The following CFAP53 variants were observed in gnomAD, a reference collection of about 807,000 sequenced individuals.
CFAP53 encodes the protein cilia- and flagella-associated protein 53.
A neutral mutation model predicts 59.7 loss-of-function variants in CFAP53; 62 were observed. That is an observed-to-expected ratio of 1.04 (90% CI 0.85 to 1.28). The LOEUF (loss-of-function observed/expected upper bound fraction) is 1.28. CFAP53 is among the 50% of genes most tolerant of loss of function. CFAP53 has a pLI of 0.00. For synonymous variants in CFAP53, 218 were observed against 205.7 expected (o/e 1.06, Z -0.51); for missense variants, 629 against 615.6 (o/e 1.02, Z -0.23).
chr18:50,262,508 T>C (rs553419941), intron 1 of CFAP53, among the ~76,000 whole-genome samples: 1 of 152,194 alleles, frequency 6.6e-6, no homozygotes, highest in African/African-American at 2.4e-5. Flanking sequence ...TCTGTTGAGA[T>C]TGTCTAGTCA....
intron 7 of CFAP53, among the ~76,000 whole-genome samples, chr18:50,234,848 G>A (rs943846802): frequency 1.3e-5 from 2 of 152,222 alleles, no homozygotes; most frequent in South Asian, 4.1e-4. Context: ...TTATAGAGAG[G>A]AATGGTCTAG....
rs776803749 is a variant in CFAP53 at position 50,261,014 on chromosome 18, T to C, written c.473+50A>G. On this transcript the variant is annotated intron_variant, in intron 3 of 7. Coordinates refer to ENST00000398545, the MANE Select transcript of CFAP53 (RefSeq NM_145020.5). ...TTTAAATTAGCATTCTTAAATCTAT[T>C]TTAATGTACCAACTTTGGATTCTGT... is the stretch of plus-strand genomic sequence containing the variant. 6.4e-6 allele frequency: 10 copies of C among 1,555,992 alleles called. 1 individual carries two copies. The South Asian group carries it at 8.4e-5, about 13-fold the overall frequency.
chr18:50,238,749 A>C, intron 6 of CFAP53, 44 bp from the exon 7 acceptor site: 1 of 1,433,028 alleles, frequency 7.0e-7, no homozygotes, highest in Non-Finnish European at 9.8e-7. Context: ...ACTTTCAGAC[A>C]AGAATTGCCA....
At chr18:50,228,515 G>A (rs1020377187) in intron 7 of CFAP53, among the ~76,000 whole-genome samples, 1 of 151,988 alleles carries the variant, frequency 6.6e-6, no homozygotes, top group Non-Finnish European at 1.5e-5. Flanking sequence ...ATTATGATGG[G>A]CATGGTGGCT....
intron 5 of CFAP53, among the ~76,000 whole-genome samples, chr18:50,246,889 T>C (rs2033750365): frequency 6.6e-6 from 1 of 151,718 alleles, no homozygotes; most frequent in Non-Finnish European, 1.5e-5. Flanking sequence ...CTACTAAAAA[T>C]ACAAAAAAAT....
intron 3 of CFAP53, among the ~76,000 whole-genome samples, chr18:50,255,882 A>G (rs1304021777): frequency 6.7e-6 from 1 of 149,078 alleles, no homozygotes; most frequent in Admixed American, 6.7e-5. Flanking sequence ...AAAAAAAAAG[A>G]GGAAAATTTT....
Position 50,260,536 on chromosome 18 carries a change from G to A in CFAP53, c.473+528C>T, listed in dbSNP as rs554110741. ...AAAAATTAGCTGGGCACAGTGGCGC[G>A]TGCCTATAGTCTCAGCTACTTGAGA... is the stretch of plus-strand genomic sequence containing the variant. On this transcript the variant is annotated intron_variant, in intron 3 of 7. Coordinates refer to ENST00000398545, the MANE Select transcript of CFAP53 (RefSeq NM_145020.5). Among the ~76,000 whole-genome samples the A allele has an allele frequency of 3.6e-4, 54 of 152,082 alleles. 1 individual carries two copies. The highest frequency in any genetic ancestry group is 2.0e-3 in the Admixed American group (30 of 15,262).
intron 7 of CFAP53, among the ~76,000 whole-genome samples, chr18:50,229,037 A>C (rs2033554315): frequency 1.3e-5 from 2 of 152,070 alleles, no homozygotes; most frequent in African/African-American, 4.8e-5. Context: ...TCAGTGAGCC[A>C]TGATCACACT....
intron 4 of CFAP53, 68 bp downstream of exon 4, chr18:50,251,412 TA>T (rs2033797851): frequency 3.6e-6 from 5 of 1,381,308 alleles, no homozygotes; most frequent in Non-Finnish European, 5.0e-6. Flanking sequence ...AACTGTACTG[TA>T]ACAGGCCTGC....
chr18:50,237,301 TCTC>T (rs1337428168), intron 7 of CFAP53, among the ~76,000 whole-genome samples: 1 of 16,216 alleles, frequency 6.2e-5, no homozygotes. Context: ...CAAGACTCCA[TCTC>T]AAAAAAAAAA....
intron 5 of CFAP53, among the ~76,000 whole-genome samples, chr18:50,249,512 T>A (rs1185387551): frequency 2.0e-5 from 3 of 148,216 alleles, no homozygotes; most frequent in African/African-American, 7.5e-5. Context: ...GGCAAGACTG[T>A]CTCAAAAAAA....
At chr18:50,261,907 TA>T in intron 2 of CFAP53, 82 bp downstream of exon 2, 1 of 1,047,658 alleles carries the variant, frequency 9.5e-7, no homozygotes, top group Non-Finnish European at 1.5e-6. Flanking sequence ...TGATCCTTGC[TA>T]AATTTGATTT....
At chr18:50,240,372 A>T (rs1218197539) in intron 6 of CFAP53, among the ~76,000 whole-genome samples, 1 of 152,152 alleles carries the variant, frequency 6.6e-6, no homozygotes, top group East Asian at 1.9e-4. Context: ...ACCCTGACTC[A>T]TTCCATAACC....
At chr18:50,229,126 C>A (rs557450964) in intron 7 of CFAP53, among the ~76,000 whole-genome samples, 33 of 152,194 alleles carry the variant, frequency 2.2e-4, no homozygotes, top group Non-Finnish European at 1.6e-4. Flanking sequence ...ACCCACATAA[C>A]AAATTTACAT....
intron 7 of CFAP53, 85 bp from the exon 8 acceptor site, chr18:50,227,694 G>A: frequency 3.7e-6 from 4 of 1,083,762 alleles, no homozygotes; most frequent in South Asian, 1.5e-5. Context: ...AATATAATTT[G>A]TAAAGTCAAA....
chr18:50,247,879 C>G lies in CFAP53; in HGVS notation c.996+2879G>C, dbSNP rs576387232. On this transcript the variant is annotated intron_variant, in intron 5 of 7. Coordinates refer to ENST00000398545, the MANE Select transcript of CFAP53 (RefSeq NM_145020.5). ...AAAATGTGATGACAGCTGCACATAT[C>G]TGTGAAAACAGTAAAATCCACTGAA... is the stretch of plus-strand genomic sequence containing the variant. 8.5e-5 allele frequency among the ~76,000 whole-genome samples: 13 copies of G among 152,258 alleles called. No homozygotes were observed. The East Asian group carries it at 2.5e-3, about 29-fold the overall frequency.
intron 3 of CFAP53, 93 bp from the exon 4 acceptor site, chr18:50,251,877 G>C: frequency 8.9e-7 from 1 of 1,121,012 alleles, no homozygotes; most frequent in Non-Finnish European, 1.3e-6. Flanking sequence ...AATGAAGCAA[G>C]AAAAATCAGA....
At chr18:50,245,648 G>A (rs1242420890) in intron 5 of CFAP53, among the ~76,000 whole-genome samples, 1 of 152,120 alleles carries the variant, frequency 6.6e-6, no homozygotes, top group South Asian at 2.1e-4. Context: ...TTAAGTTCAT[G>A]AATCAGAAAA....
chr18:50,254,495 C>T (rs1293621633), intron 3 of CFAP53, among the ~76,000 whole-genome samples: 1 of 152,052 alleles, frequency 6.6e-6, no homozygotes, highest in Non-Finnish European at 1.5e-5. Context: ...ACCAAAAGGA[C>T]CAGGATGTGG....
Sources: allele counts gnomAD v4.1 joint callset (sites outside exome capture counted in the v4.1 genomes callset), GRCh38; gene constraint gnomAD v4.1.1; transcripts MANE v1.5; gene names NCBI Gene and HGNC (gene_info 2026-07-23, HGNC 2026-07-21).